MPP7: variants seen among roughly 807,000 people sequenced by gnomAD.
MPP7 encodes the protein MAGUK p55 scaffold protein 7, also known as MAGUK p55 subfamily member 7.
A neutral mutation model predicts 76.5 loss-of-function variants in MPP7; 60 were observed. That is an observed-to-expected ratio of 0.78 (90% CI 0.64 to 0.97). MPP7 has a LOEUF of 0.97. Among genes scored for constraint, MPP7 ranks in the 50% least tolerant of loss-of-function variants. MPP7 has a pLI of 0.00. For synonymous variants in MPP7, 237 were observed against 244.5 expected, an observed-to-expected ratio of 0.97 and a Z score of 0.29; for missense variants, 641 against 694.0, an observed-to-expected ratio of 0.92 and a Z score of 0.86.
chr10:28,179,016 G>T (rs1157875682), intron 3 of MPP7, among the ~76,000 whole-genome samples: 2 of 152,186 alleles, frequency 1.3e-5, no homozygotes, highest in Non-Finnish European at 2.9e-5. Flanking sequence ...AAGAGGAGAA[G>T]AGCTGAGGGA....
intron 3 of MPP7, among the ~76,000 whole-genome samples, chr10:28,171,288 G>T (rs949579841): frequency 6.6e-6 from 1 of 152,146 alleles, no homozygotes. Flanking sequence ...CATGTTCTGT[G>T]AGCAAAAGAA....
chr10:28,238,641 CCGGACACCCTGCCTT>C lies in MPP7; in HGVS notation c.-52_-38del, dbSNP rs1398274491. On this transcript the variant is annotated 5_prime_UTR_variant, in exon 2 of 17. Coordinates refer to ENST00000683449, the MANE Select transcript of MPP7 (RefSeq NM_001318170.2). ...TAGGAACAGGTCAGCCCACCGCTCT[CCGGACACCCTGCCTT>C]CGGACAGCCACAGGGAATTCCAATT... 6.2e-7 allele frequency: 1 copy of C among 1,613,102 alleles called. No homozygotes were observed. Among genetic ancestry groups the C allele is most frequent in the South Asian group, 1.1e-5 (1 of 91,030 alleles).
chr10:28,274,351 G>A (rs1394488095), intron 1 of MPP7, among the ~76,000 whole-genome samples: 2 of 151,074 alleles, frequency 1.3e-5, no homozygotes, highest in Admixed American at 6.6e-5. Flanking sequence ...CGCCCACCTC[G>A]GCCTCCCAAA....
chr10:28,119,507 C>T (rs952447758), intron 11 of MPP7, 144 bp downstream of exon 11: 1 of 616,722 alleles, frequency 1.6e-6, no homozygotes, highest in East Asian at 2.8e-5. Context: ...ATATGAATCT[C>T]ATATTTGTTT....
At chr10:28,172,214 G>A (rs1836705570) in intron 3 of MPP7, among the ~76,000 whole-genome samples, 1 of 152,214 alleles carries the variant, frequency 6.6e-6, no homozygotes, top group Non-Finnish European at 1.5e-5. Flanking sequence ...TTACTAAAAT[G>A]CCAGGTAGGA....
chr10:28,223,902 A>C (rs1838601707), intron 2 of MPP7, among the ~76,000 whole-genome samples: 1 of 150,986 alleles, frequency 6.6e-6, no homozygotes, highest in African/African-American at 2.4e-5. Context: ...CATTGCAAAA[A>C]TACACAATTT....
rs536168684 is a variant in MPP7, at chr10:28,146,441, G to A, written c.315+1042C>T. Among the ~76,000 whole-genome samples the A allele has an allele frequency of 1.2e-4, 17 of 139,564 alleles. No individual in the cohort carries two copies. In the South Asian group the frequency reaches 3.8e-3, roughly 31 times the overall value. The allele number at this position is 139,564 out of a possible 152,430, so 91.6% of individuals were successfully genotyped here. On this transcript the variant is annotated intron_variant, in intron 5 of 16. Coordinates refer to ENST00000683449, the MANE Select transcript of MPP7 (RefSeq NM_001318170.2). ...TTTTGAGACGGAGTCTCGCTCTGTC[G>A]CCCAGGCTGGAGTGCAGTGGCACGA...
chr10:28,089,782 A>C lies in MPP7; in HGVS notation c.1012T>G (p.Tyr338Asp), dbSNP rs755031826. 6 of 1,603,346 alleles carry C rather than the reference A, an allele frequency of 3.7e-6. No individual in the cohort carries two copies. The highest frequency in any genetic ancestry group is 5.1e-6 in the Non-Finnish European group (6 of 1,170,908). The change falls in exon 12 of 17, where the codon TAT becomes GAT. Residue 338 changes from tyrosine (Y) to aspartate (D), a missense_variant. Coordinates refer to ENST00000683449, the MANE Select transcript of MPP7 (RefSeq NM_001318170.2). ...TACTGATCACTCTTCTTGCATTCATACATGGATTTATTTGTTTTCTTATCT... is the reference window on the plus strand; with the variant it reads ...TACTGATCACTCTTCTTGCATTCATCCATGGATTTATTTGTTTTCTTATCT... Reference protein sequence around the residue: ...RKDKKTNKSMYECKKSDQYDT... With the variant: ...RKDKKTNKSMDECKKSDQYDT...
chr10:28,222,666 C>A (rs1838550751), intron 2 of MPP7, among the ~76,000 whole-genome samples: 1 of 151,920 alleles, frequency 6.6e-6, no homozygotes, highest in African/African-American at 2.4e-5. Flanking sequence ...CCCTGGCTAA[C>A]ATGGTGAAAC....
chr10:28,202,338 G>A, intron 2 of MPP7, 67 bp from the exon 3 acceptor site: 5 of 1,126,312 alleles, frequency 4.4e-6, no homozygotes, highest in Admixed American at 4.1e-5. Context: ...CCTAAGGTGT[G>A]TGTAAATGAC....
intron 7 of MPP7, 77 bp downstream of exon 7, chr10:28,124,933 C>T (rs1188930712): frequency 2.5e-6 from 3 of 1,184,132 alleles, no homozygotes; most frequent in Non-Finnish European, 3.8e-6. Context: ...AGATGGTTAT[C>T]CTCTTAGTTA....
At chr10:28,217,829 C>T (rs1057411596) in intron 2 of MPP7, among the ~76,000 whole-genome samples, 2 of 152,074 alleles carry the variant, frequency 1.3e-5, no homozygotes, top group Admixed American at 1.3e-4. Flanking sequence ...AATAGAGAAC[C>T]GTCTTTTCAT....
intron 8 of MPP7, among the ~76,000 whole-genome samples, chr10:28,123,462 CTTTTTTT>C (rs200098933): frequency 9.7e-5 from 9 of 92,504 alleles, no homozygotes; most frequent in Non-Finnish European, 1.7e-4. Context: ...GTACTAAATT[CTTTTTTT>C]TTTTTTTTTT....
chr10:28,275,234 GT>G (rs1312007596), intron 1 of MPP7, among the ~76,000 whole-genome samples: 1 of 151,972 alleles, frequency 6.6e-6, no homozygotes, highest in Non-Finnish European at 1.5e-5. Flanking sequence ...AAATGAACAT[GT>G]CTTTCCACTA....
intron 3 of MPP7, among the ~76,000 whole-genome samples, chr10:28,176,910 G>A (rs1213707134): frequency 1.3e-5 from 2 of 149,676 alleles, no homozygotes; most frequent in Admixed American, 1.3e-4. Context: ...ATAGCATTAG[G>A]AGATATATCT....
At chr10:28,175,825 G>A (rs1012731949) in intron 3 of MPP7, among the ~76,000 whole-genome samples, 1 of 152,020 alleles carries the variant, frequency 6.6e-6, no homozygotes, top group East Asian at 1.9e-4. Context: ...AGCAACTAGG[G>A]GATGAATTTC....
At chr10:28,135,160 A>G (rs1835314640) in intron 5 of MPP7, among the ~76,000 whole-genome samples, 1 of 152,152 alleles carries the variant, frequency 6.6e-6, no homozygotes, top group African/African-American at 2.4e-5. Flanking sequence ...GTGATGGGGA[A>G]AAAGAAACAC....
At position 28,229,930 on chromosome 10, in the gene MPP7, T is replaced by C. The variant is rs551055489; in HGVS notation, c.37+8638A>G. ...AACAAAAAGAACTGTGACAATGATATCTTCAAGGTCTGGGGTTTTTTATTT... is the reference window on the plus strand; with the variant it reads ...AACAAAAAGAACTGTGACAATGATACCTTCAAGGTCTGGGGTTTTTTATTT... On this transcript the variant is annotated intron_variant, in intron 2 of 16. Transcript: ENST00000683449. 7.7e-4 allele frequency among the ~76,000 whole-genome samples: 117 copies of C among 151,398 alleles called. 1 individual carries two copies. The highest frequency in any genetic ancestry group is 2.7e-3 in the African/African-American group (113 of 41,254).
At chr10:28,175,361 G>C (rs372656215) in intron 3 of MPP7, among the ~76,000 whole-genome samples, 18 of 152,178 alleles carry the variant, frequency 1.2e-4, no homozygotes, top group African/African-American at 4.3e-4. Context: ...TGAGCCGAGT[G>C]ATTTACTTAG....
Sources: gnomAD v4.1 joint callset for allele counts (sites outside exome capture counted in the v4.1 genomes callset) on GRCh38, gnomAD v4.1.1 for gene constraint, MANE v1.5 for transcripts, NCBI Gene and HGNC (gene_info 2026-07-23, HGNC 2026-07-21) for gene names.